JARID2: variants seen among roughly 807,000 people sequenced by gnomAD.
JARID2 encodes the protein jumonji and AT-rich interaction domain containing 2.
A neutral mutation model predicts 125.6 loss-of-function variants in JARID2; 21 were observed. The observed-to-expected ratio is 0.17, with a 90% CI of 0.12 to 0.24. The LOEUF (loss-of-function observed/expected upper bound fraction) is 0.24. Ranked by LOEUF, JARID2 falls within the 10% of genes least tolerant of loss-of-function variation. The probability of loss-of-function intolerance (pLI) is 1.00; values close to 1 mark genes in which losing one functional copy is unlikely to be tolerated. For synonymous variants in JARID2, 736 were observed against 661.6 expected, an observed-to-expected ratio of 1.11 and a Z score of -1.73; for missense variants, 1,303 against 1,639.6, an observed-to-expected ratio of 0.79 and a Z score of 3.55.
At chr6:15,375,249 A>C (rs35734069) in intron 2 of JARID2, among the ~76,000 whole-genome samples, 1 of 152,168 alleles carries the variant, frequency 6.6e-6, no homozygotes, top group South Asian at 2.1e-4. Flanking sequence ...GGGCAATGGC[A>C]GAGTTTCCTG....
intron 1 of JARID2, among the ~76,000 whole-genome samples, chr6:15,328,519 G>C (rs1035982034): frequency 7.2e-5 from 11 of 152,194 alleles, no homozygotes; most frequent in African/African-American, 2.2e-4. Flanking sequence ...TAAGTGATTA[G>C]ATGTATGGTG....
At chr6:15,504,671 T>A in intron 9 of JARID2, 79 bp downstream of exon 9, 5 of 897,124 alleles carry the variant, frequency 5.6e-6, no homozygotes, top group Non-Finnish European at 9.3e-6. Context: ...TGTCCTGCCC[T>A]GACCCCTGCA....
At chr6:15,426,555 T>A (rs1280332065) in intron 3 of JARID2, among the ~76,000 whole-genome samples, 2 of 152,180 alleles carry the variant, frequency 1.3e-5, no homozygotes, top group East Asian at 3.9e-4. Flanking sequence ...AAGTGTTGGC[T>A]CCCAAATCAG....
rs561715933 is a variant in JARID2, at chr6:15,247,989, G to A, written c.45+1405G>A. Reference sequence around the variant, plus strand: ...TTCGGATGCAGCCACAAAGCAAATGGGGTAGAACTTGGACGAGAACCGCAC... The same window carrying A: ...TTCGGATGCAGCCACAAAGCAAATGAGGTAGAACTTGGACGAGAACCGCAC... On this transcript the variant is annotated intron_variant, in intron 1 of 17. Coordinates refer to ENST00000341776, the MANE Select transcript of JARID2 (RefSeq NM_004973.4). 24 of 985,436 alleles carry A rather than the reference G, an allele frequency of 2.4e-5. No homozygotes were observed. In the African/African-American group the frequency reaches 4.0e-4, roughly 16 times the overall value. 61.0% of individuals were successfully genotyped at this position (985,436 alleles called of 1,614,324 possible). A position where few individuals can be genotyped will look rare whatever the true frequency, so the allele number is the denominator to read the frequency against.
In JARID2 at chr6:15,293,696, A is replaced by G. The variant is rs1761307759; in HGVS notation, c.45+47112A>G. ...CCTTGAGACTGGATGCTTCCTTACC[A>G]GAAGATGAAGAGTCCTCACAGCCTG... is the stretch of plus-strand genomic sequence containing the variant. On this transcript the variant is annotated intron_variant, in intron 1 of 17. Coordinates refer to ENST00000341776, the MANE Select transcript of JARID2 (RefSeq NM_004973.4). 1.3e-5 allele frequency among the ~76,000 whole-genome samples: 2 copies of G among 152,236 alleles called. 1 individual carries two copies. The highest frequency in any genetic ancestry group is 2.9e-5 in the Non-Finnish European group (2 of 68,036).
At chr6:15,411,575 C>T (rs1006259073) in intron 3 of JARID2, among the ~76,000 whole-genome samples, 36 of 152,272 alleles carry the variant, frequency 2.4e-4, no homozygotes, top group Middle Eastern at 3.4e-3. Context: ...AAGAGTGTCT[C>T]AGTGATGAAC....
intron 3 of JARID2, among the ~76,000 whole-genome samples, chr6:15,428,198 C>G (rs1023389746): frequency 6.6e-6 from 1 of 152,020 alleles, no homozygotes; most frequent in Non-Finnish European, 1.5e-5. Flanking sequence ...AGGTAAATAT[C>G]ATGCAAGAAT....
At chr6:15,518,014 T>A (rs1394937709) in intron 17 of JARID2, among the ~76,000 whole-genome samples, 1 of 152,202 alleles carries the variant, frequency 6.6e-6, no homozygotes, top group Non-Finnish European at 1.5e-5. Context: ...AAGTGGTGGG[T>A]CTCACTGGAT....
At chr6:15,382,802 G>C (rs547751887) in intron 2 of JARID2, among the ~76,000 whole-genome samples, 1 of 152,216 alleles carries the variant, frequency 6.6e-6, no homozygotes, top group African/African-American at 2.4e-5. Context: ...GGAGGTTAAT[G>C]TGCTCCTCTT....
In JARID2 at chr6:15,496,426, G is replaced by A. The variant is rs373768513; in HGVS notation, c.1201G>A (p.Gly401Arg). 4 of 1,613,610 alleles carry A rather than the reference G, an allele frequency of 2.5e-6. No individual in the cohort carries two copies. Among genetic ancestry groups the A allele is most frequent in the Non-Finnish European group, 3.4e-6 (4 of 1,179,886 alleles). Residue 401 changes from glycine to arginine, a missense_variant, in exon 7 of 18, where the codon GGG becomes AGG. Transcript: ENST00000341776. ...CCTCGGGGGGGCGTCCAAGTCCACTGGGCCCGCCGTCAATGGCCTCAAGGT... is the reference window on the plus strand; with the variant it reads ...CCTCGGGGGGGCGTCCAAGTCCACTAGGCCCGCCGTCAATGGCCTCAAGGT... ...LSLGGASKST[G>R]PAVNGLKVSG...
chr6:15,437,406 C>T (rs998370319), intron 3 of JARID2, among the ~76,000 whole-genome samples: 1 of 152,184 alleles, frequency 6.6e-6, no homozygotes, highest in Non-Finnish European at 1.5e-5. Flanking sequence ...TTGGCCTCAG[C>T]TCCTTATGCA....
In JARID2 at chr6:15,255,757, C is replaced by T. The variant is rs985656300; in HGVS notation, c.45+9173C>T. Among the ~76,000 whole-genome samples the T allele has an allele frequency of 2.6e-5, 4 of 152,178 alleles. 1 individual carries two copies. Among genetic ancestry groups the T allele is most frequent in the African/African-American group, 7.2e-5 (3 of 41,516 alleles). The stretch of plus-strand genomic sequence containing the variant: ...GAGCATGTGTTTCTTGCATTTAGTC[C>T]TTCTATAGGTTTGCAGAAGGGGGCT... On this transcript the variant is annotated intron_variant, in intron 1 of 17. Coordinates refer to ENST00000341776, the MANE Select transcript of JARID2 (RefSeq NM_004973.4).
chr6:15,375,517 GCCATAGAAT>G (rs1764319835), intron 2 of JARID2, among the ~76,000 whole-genome samples: 1 of 152,180 alleles, frequency 6.6e-6, no homozygotes, highest in Non-Finnish European at 1.5e-5. Context: ...GGAATCTATT[GCCATAGAAT>G]CCAATTTAGA....
chr6:15,467,638 T>G (rs1404470036), intron 4 of JARID2, among the ~76,000 whole-genome samples: 1 of 151,862 alleles, frequency 6.6e-6, no homozygotes, highest in African/African-American at 2.4e-5. Flanking sequence ...GTCCAGAAAT[T>G]TCAGACCAAC....
At chr6:15,448,502 G>A (rs1388629402) in intron 3 of JARID2, among the ~76,000 whole-genome samples, 1 of 152,128 alleles carries the variant, frequency 6.6e-6, no homozygotes, top group African/African-American at 2.4e-5. Context: ...TAACATGCAG[G>A]CAATATTTCT....
intron 4 of JARID2, among the ~76,000 whole-genome samples, chr6:15,456,190 A>AGGT (rs567543968): frequency 6.6e-6 from 1 of 152,172 alleles, no homozygotes; most frequent in Non-Finnish European, 1.5e-5. Context: ...ATATTTTCTG[A>AGGT]GGTTCTGGGA....
At chr6:15,435,955 C>T (rs1328229791) in intron 3 of JARID2, among the ~76,000 whole-genome samples, 1 of 152,104 alleles carries the variant, frequency 6.6e-6, no homozygotes, top group Non-Finnish European at 1.5e-5. Flanking sequence ...TTGTCCCCCT[C>T]TCAGGGCGTG....
intron 1 of JARID2, among the ~76,000 whole-genome samples, chr6:15,287,133 A>G (rs947190618): frequency 7.9e-5 from 12 of 151,490 alleles, no homozygotes; most frequent in Non-Finnish European, 1.6e-4. Flanking sequence ...ATCTCAAAAA[A>G]AAAGAAAACA....
chr6:15,307,900 C>T (rs1045310021), intron 1 of JARID2, among the ~76,000 whole-genome samples: 1 of 152,234 alleles, frequency 6.6e-6, no homozygotes, highest in Non-Finnish European at 1.5e-5. Context: ...GACTCCCAGC[C>T]AGCGTAGCTT....
Sources: allele counts gnomAD v4.1 joint callset (sites outside exome capture counted in the v4.1 genomes callset), GRCh38; gene constraint gnomAD v4.1.1; transcripts MANE v1.5; gene names NCBI Gene and HGNC (gene_info 2026-07-23, HGNC 2026-07-21).